Variants in SLC35A5 observed in about 807,000 individuals in gnomAD.
SLC35A5 encodes solute carrier family 35 member A5, also known as UDP-sugar transporter protein SLC35A5.
Under a neutral mutation model 36.3 loss-of-function variants are expected in SLC35A5, and 28 were observed. The ratio of observed to expected loss-of-function variants is 0.77; its 90% CI spans 0.57 to 1.06. The LOEUF is 1.06. SLC35A5 is among the 50% of genes least tolerant of loss of function. The pLI is 0.00. For synonymous variants in SLC35A5, 180 were observed against 173.7 expected, an observed-to-expected ratio of 1.04 and a Z score of -0.29; for missense variants, 521 against 499.3, an observed-to-expected ratio of 1.04 and a Z score of -0.41.
intron 4 of SLC35A5, among the ~76,000 whole-genome samples, chr3:112,571,570 A>G (rs897007909): frequency 2.0e-5 from 3 of 152,186 alleles, no homozygotes; most frequent in Non-Finnish European, 2.9e-5. Context: ...ATAAACACAT[A>G]CCCAAGACTA....
intron 5 of SLC35A5, among the ~76,000 whole-genome samples, chr3:112,579,246 C>T (rs1304595923): frequency 6.6e-6 from 1 of 152,148 alleles, no homozygotes; most frequent in Non-Finnish European, 1.5e-5. Context: ...TGTTTAAGTA[C>T]ATGACCTTAG....
Position 112,569,253 on chromosome 3 carries a change from CTG to C in SLC35A5, c.217_218del (p.Val73TyrfsTer8). ...KLVFCVLVSFCVIKKDHQSRN... is the reference protein window; with the variant it reads ...KLVFCVLVSFXVIKKDHQSRN... ...TAGTTTTCTGTGTGCTTGTGTCATTCTGTGTTATAAAGAAAGGTAAGTCTTGA... is the reference window on the plus strand; with the variant it reads ...TAGTTTTCTGTGTGCTTGTGTCATTCTGTTATAAAGAAAGGTAAGTCTTGA... On this transcript the variant is annotated frameshift_variant, in exon 3 of 7. Coordinates refer to ENST00000492406, the MANE Select transcript of SLC35A5 (RefSeq NM_017945.5). LOFTEE classifies it high-confidence loss of function. 1 of 1,613,766 alleles carries C rather than the reference CTG, an allele frequency of 6.2e-7. No homozygotes were observed. The highest frequency in any genetic ancestry group is 2.2e-5 in the East Asian group (1 of 44,836).
intron 5 of SLC35A5, among the ~76,000 whole-genome samples, chr3:112,580,248 C>T (rs1291559174): frequency 2.6e-5 from 4 of 152,052 alleles, no homozygotes; most frequent in Non-Finnish European, 5.9e-5. Flanking sequence ...TGCCAGAGGT[C>T]CAGGATACCT....
intron 5 of SLC35A5, among the ~76,000 whole-genome samples, chr3:112,577,501 C>G (rs1177130361): frequency 2.6e-5 from 4 of 152,192 alleles, no homozygotes; most frequent in Non-Finnish European, 4.4e-5. Flanking sequence ...GCTTGCTTCC[C>G]TGGTTTGCTT....
Position 112,562,077 on chromosome 3 carries a change from C to T in SLC35A5, c.-216C>T, listed in dbSNP as rs1264895807. 2 of 158,184 alleles carry T rather than the reference C, an allele frequency of 1.3e-5. No individual in the cohort carries two copies. The highest frequency in any genetic ancestry group is 2.4e-5 in the African/African-American group (1 of 41,492). 9.8% of individuals were successfully genotyped at this position (158,184 alleles called of 1,614,324 possible). On this transcript the variant is annotated 5_prime_UTR_variant, in exon 1 of 7. Transcript: ENST00000492406. ...GTGCCTGCGCAATGGGTGTCGGGTC[C>T]GCTTTTTCCCAATCCGGACGTAATC...
chr3:112,580,559 T>G lies in SLC35A5; in HGVS notation c.442T>G (p.Trp148Gly). ...FRIVLKRRLN[W>G]IQWASLLTLF... ...ATCTTTGAACAGGAGGCGTCTAAACTGGATCCAGTGGGCTTCCCTCCTGAC... is the reference window on the plus strand; with the variant it reads ...ATCTTTGAACAGGAGGCGTCTAAACGGGATCCAGTGGGCTTCCCTCCTGAC... The change falls in exon 6 of 7, where the codon TGG becomes GGG. Residue 148 changes from tryptophan (W) to glycine (G), a missense_variant. Transcript: ENST00000492406. 6.2e-7 allele frequency: 1 copy of G among 1,612,392 alleles called. No homozygotes were observed. Among genetic ancestry groups the G allele is most frequent in the Non-Finnish European group, 8.5e-7 (1 of 1,179,188 alleles).
chr3:112,569,044 A>G, intron 2 of SLC35A5, 127 bp from the exon 3 acceptor site: 1 of 696,170 alleles, frequency 1.4e-6, no homozygotes, highest in Non-Finnish European at 2.3e-6. Context: ...AGCAAAGGCA[A>G]CTGGAAGAAA....
At chr3:112,561,438 C>T, upstream of SLC35A5, 1 of 1,611,626 alleles carries the variant, frequency 6.2e-7, no homozygotes, top group Non-Finnish European at 8.5e-7. Flanking sequence ...CAGCTCCCGG[C>T]AACCCTGGCC....
chr3:112,580,036 G>A (rs1227411833), intron 5 of SLC35A5, among the ~76,000 whole-genome samples: 1 of 152,180 alleles, frequency 6.6e-6, no homozygotes. Context: ...ATTAGGACAT[G>A]GATCTAGAGC....
chr3:112,571,135 A>T (rs1934416691), intron 4 of SLC35A5, among the ~76,000 whole-genome samples: 1 of 152,216 alleles, frequency 6.6e-6, no homozygotes, highest in Non-Finnish European at 1.5e-5. Context: ...TCTGTTAGTC[A>T]TGTCATTTAA....
Position 112,583,511 on chromosome 3 carries a change from C to T in SLC35A5, c.*775C>T, listed in dbSNP as rs2107453808. 1 of 176,438 alleles carries T rather than the reference C, an allele frequency of 5.7e-6. No individual in the cohort carries two copies. The highest frequency in any genetic ancestry group is 2.0e-4 in the South Asian group (1 of 5,038). The allele number at this position is 176,438 out of a possible 1,614,324, so 10.9% of individuals were successfully genotyped here. A position where few individuals can be genotyped will look rare whatever the true frequency, so the allele number is the denominator to read the frequency against. On this transcript the variant is annotated 3_prime_UTR_variant, in exon 7 of 7. Transcript: ENST00000492406. ...GGAGAAAAATCTTGATGTCATTACT[C>T]CTGAATTATTACATTTTGGAGAATA... is the stretch of plus-strand genomic sequence containing the variant.
chr3:112,561,555 C>T (rs750875773), upstream of SLC35A5: 1 of 1,600,226 alleles, frequency 6.2e-7, no homozygotes, highest in Non-Finnish European at 8.5e-7. Context: ...CGGCCGGCCC[C>T]GCGACGGGAT....
chr3:112,570,880 G>A (rs1040640912), intron 4 of SLC35A5, among the ~76,000 whole-genome samples: 2 of 152,112 alleles, frequency 1.3e-5, no homozygotes, highest in Non-Finnish European at 2.9e-5. Flanking sequence ...ATTAAACTGG[G>A]CTGACTACCA....
Position 112,569,699 on chromosome 3 carries a change from G to A in SLC35A5, c.229+430G>A, listed in dbSNP as rs944511153. Among the ~76,000 whole-genome samples, 79 of 152,172 alleles carry A rather than the reference G, an allele frequency of 5.2e-4. 4 individuals are homozygous for A. ...TTCTGGGGCAGATTATTTTCTCTGA[G>A]CTCCAGTTTTCTGAGCTATCACATA... On this transcript the variant is annotated intron_variant, in intron 3 of 6. Coordinates refer to ENST00000492406, the MANE Select transcript of SLC35A5 (RefSeq NM_017945.5).
chr3:112,574,559 A>G (rs574089225), intron 5 of SLC35A5, among the ~76,000 whole-genome samples: 12 of 152,338 alleles, frequency 7.9e-5, no homozygotes, highest in Non-Finnish European at 1.5e-4. Flanking sequence ...AGCAAAAGCC[A>G]GAGTGTCCTA....
intron 2 of SLC35A5, 111 bp downstream of exon 2, chr3:112,563,644 T>C: frequency 8.8e-7 from 1 of 1,138,204 alleles, no homozygotes; most frequent in Non-Finnish European, 1.2e-6. Context: ...TTTTGCTTCA[T>C]GTGAGTGATA....
At chr3:112,576,324 C>A (rs1934677168) in intron 5 of SLC35A5, among the ~76,000 whole-genome samples, 2 of 148,844 alleles carry the variant, frequency 1.3e-5, no homozygotes, top group African/African-American at 2.5e-5. Context: ...GACAGGGTTT[C>A]ACCTGTTGGC....
chr3:112,583,214 G>A lies in SLC35A5; in HGVS notation c.*478G>A, dbSNP rs188523483. 562 of 397,460 alleles carry A rather than the reference G, an allele frequency of 1.4e-3. 4 individuals carry two copies. The highest frequency in any genetic ancestry group is 9.9e-3 in the African/African-American group (484 of 48,644). The allele number at this position is 397,460 out of a possible 1,614,324, so 24.6% of individuals were successfully genotyped here. A position where few individuals can be genotyped will look rare whatever the true frequency, so the allele number is the denominator to read the frequency against. On this transcript the variant is annotated 3_prime_UTR_variant, in exon 7 of 7. Transcript: ENST00000492406. ...AGTCATTTTGCAAGTAAAGAGCAAC[G>A]GGACCCTTTCTAAAAACGTTGGTTG...
At chr3:112,571,755 ACTCAGTAC>A (rs1559859115) in intron 4 of SLC35A5, among the ~76,000 whole-genome samples, 1 of 152,086 alleles carries the variant, frequency 6.6e-6, no homozygotes, top group Non-Finnish European at 1.5e-5. Context: ...CATGAGACTT[ACTCAGTAC>A]CATGAGAACA....
Sources: gnomAD v4.1 joint callset for allele counts (sites outside exome capture counted in the v4.1 genomes callset) on GRCh38, gnomAD v4.1.1 for gene constraint, MANE v1.5 for transcripts, NCBI Gene and HGNC (gene_info 2026-07-23, HGNC 2026-07-21) for gene names.